WWOX: variants seen among roughly 807,000 people sequenced by gnomAD.
WWOX encodes WW domain-containing oxidoreductase.
WWOX carries 69 observed loss-of-function variants against 46.2 expected under a neutral mutation model. That is an observed-to-expected ratio of 1.49 (90% CI 1.23 to 1.82). WWOX has a LOEUF of 1.82. Among genes scored for constraint, WWOX ranks in the 40% most tolerant of loss-of-function variants. The pLI is 0.00. For missense variants in WWOX, 919 were observed against 542.6 expected (o/e 1.69, Z -6.89); for synonymous variants, 359 against 202.6 (o/e 1.77, Z -6.56).
chr16:79,030,740 C>G (rs572494262), intron 8 of WWOX, among the ~76,000 whole-genome samples: 3 of 152,222 alleles, frequency 2.0e-5, no homozygotes, highest in African/African-American at 7.2e-5. Flanking sequence ...TGGCCATTAT[C>G]AAACAAACAC....
chr16:78,589,346 G>A (rs1157895775), intron 8 of WWOX, among the ~76,000 whole-genome samples: 1 of 152,186 alleles, frequency 6.6e-6, no homozygotes, highest in East Asian at 1.9e-4. Flanking sequence ...ATGCCAGCCA[G>A]GTTACCTGAT....
chr16:78,653,190 C>T (rs1291787547), intron 8 of WWOX, among the ~76,000 whole-genome samples: 6 of 151,796 alleles, frequency 4.0e-5, no homozygotes, highest in African/African-American at 1.5e-4. Context: ...TGTCATTAAA[C>T]ATTGCTTGAA....
chr16:78,192,147 A>G (rs2035901225), intron 5 of WWOX, among the ~76,000 whole-genome samples: 1 of 152,172 alleles, frequency 6.6e-6, no homozygotes, highest in East Asian at 1.9e-4. Flanking sequence ...ATACTCATGT[A>G]ACAAATCTGC....
intron 5 of WWOX, among the ~76,000 whole-genome samples, chr16:78,195,546 A>T (rs1328023974): frequency 6.6e-6 from 1 of 152,074 alleles, no homozygotes; most frequent in Non-Finnish European, 1.5e-5. Flanking sequence ...TAAGAAAAAA[A>T]AAGAGCGGCT....
At chr16:78,633,799 C>T (rs2046498757) in intron 8 of WWOX, among the ~76,000 whole-genome samples, 1 of 152,126 alleles carries the variant, frequency 6.6e-6, no homozygotes, top group Non-Finnish European at 1.5e-5. Context: ...GCAACCCGGG[C>T]TGTGTTCCCG....
At chr16:78,503,741 T>G (rs748421882) in intron 8 of WWOX, 1 of 152,224 alleles carries the variant, frequency 6.6e-6, no homozygotes, top group African/African-American at 2.4e-5. Context: ...TCTATCAGTT[T>G]ACCCAGAAAC....
intron 8 of WWOX, chr16:78,534,611 G>A (rs914232397): frequency 6.6e-6 from 1 of 152,162 alleles, no homozygotes; most frequent in African/African-American, 2.4e-5. Context: ...TGGCCCCTAT[G>A]GAGGTTCATT....
chr16:78,275,205 GCCCCCAC>G (rs2079554689), intron 5 of WWOX, among the ~76,000 whole-genome samples: 6 of 152,148 alleles, frequency 3.9e-5, no homozygotes, highest in Middle Eastern at 3.2e-3. Flanking sequence ...TGTGTTTGCT[GCCCCCAC>G]CCCCACATCC....
intron 8 of WWOX, among the ~76,000 whole-genome samples, chr16:78,454,349 T>C (rs74030286): frequency 0.057 from 2,427 of 42,774 alleles, 63 homozygotes; most frequent in African/African-American, 0.21. Context: ...TTTATACTTA[T>C]GTATATTCGT....
At chr16:78,143,334 G>A (rs2034050799) in intron 4 of WWOX, among the ~76,000 whole-genome samples, 1 of 152,114 alleles carries the variant, frequency 6.6e-6, no homozygotes. Flanking sequence ...ACAGATCAAG[G>A]TCATCTTCAC....
chr16:78,141,661 G>C (rs1183993663), intron 4 of WWOX, among the ~76,000 whole-genome samples: 1 of 152,010 alleles, frequency 6.6e-6, no homozygotes, highest in Non-Finnish European at 1.5e-5. Context: ...ACACATACTT[G>C]CTTTAGAGAG....
chr16:78,611,243 G>C (rs1218730511), intron 8 of WWOX, among the ~76,000 whole-genome samples: 1 of 152,184 alleles, frequency 6.6e-6, no homozygotes, highest in Non-Finnish European at 1.5e-5. Flanking sequence ...TTTGGTGAAA[G>C]ACATCTCCTT....
chr16:78,602,150 C>T (rs1330121029), intron 8 of WWOX, among the ~76,000 whole-genome samples: 7 of 152,184 alleles, frequency 4.6e-5, no homozygotes, highest in African/African-American at 1.4e-4. Context: ...TCTCTTTAGT[C>T]AGAGCATAGA....
intron 1 of WWOX, chr16:78,100,087 A>G: frequency 7.2e-7 from 1 of 1,381,910 alleles, no homozygotes; most frequent in Non-Finnish European, 9.4e-7. Flanking sequence ...AGCGGGGGTC[A>G]CCTGGTGGCT....
intron 8 of WWOX, among the ~76,000 whole-genome samples, chr16:78,907,271 C>T (rs540966805): frequency 6.6e-6 from 1 of 152,164 alleles, no homozygotes; most frequent in African/African-American, 2.4e-5. Context: ...GGGGATGGGG[C>T]TACCAGTCCT....
chr16:78,918,373 A>C (rs2045300971), intron 8 of WWOX, among the ~76,000 whole-genome samples: 2 of 152,060 alleles, frequency 1.3e-5, no homozygotes, highest in African/African-American at 4.8e-5. Flanking sequence ...ATTTGTGGCC[A>C]TGAAACCTCT....
intron 8 of WWOX, among the ~76,000 whole-genome samples, chr16:78,949,469 C>G (rs2046014838): frequency 6.6e-6 from 1 of 152,200 alleles, no homozygotes; most frequent in African/African-American, 2.4e-5. Flanking sequence ...CCGTGACACT[C>G]AGCTCCCTGC....
intron 5 of WWOX, among the ~76,000 whole-genome samples, chr16:78,326,577 G>GCC (rs60010994): frequency 1.5e-3 from 48 of 32,772 alleles, no homozygotes; most frequent in East Asian, 5.6e-3. Context: ...CCCTCCCCCC[G>GCC]CCCCCCCCCC....
intron 8 of WWOX, among the ~76,000 whole-genome samples, chr16:78,478,993 T>C (rs185727427): frequency 1.1e-3 from 163 of 152,204 alleles, no homozygotes; most frequent in African/African-American, 3.9e-3. Context: ...ATCTGTATTA[T>C]GATCAACAAG....
Sources: gnomAD v4.1 joint callset for allele counts (sites outside exome capture counted in the v4.1 genomes callset) on GRCh38, gnomAD v4.1.1 for gene constraint, MANE v1.5 for transcripts, NCBI Gene and HGNC (gene_info 2026-07-23, HGNC 2026-07-21) for gene names.